IFT88: variants seen among roughly 807,000 people sequenced by gnomAD.
IFT88 encodes the protein intraflagellar transport 88.
In IFT88, 74 loss-of-function variants were observed where a neutral mutation model predicts 119.5. The observed-to-expected ratio is 0.62, with a 90% CI of 0.51 to 0.75. The LOEUF (loss-of-function observed/expected upper bound fraction) is 0.75. Ranked by LOEUF, IFT88 falls within the 30% of genes least tolerant of loss-of-function variation. The probability of loss-of-function intolerance (pLI) is 0.00; values close to 1 mark genes in which losing one functional copy is unlikely to be tolerated. For missense variants in IFT88, 961 were observed against 977.7 expected (o/e 0.98, Z 0.23); for synonymous variants, 279 against 316.7 (o/e 0.88, Z 1.26).
At chr13:20,633,658 A>G (rs1243537995) in intron 16 of IFT88, among the ~76,000 whole-genome samples, 1 of 152,226 alleles carries the variant, frequency 6.6e-6, no homozygotes, top group South Asian at 2.1e-4. Flanking sequence ...TAAAGAAGCA[A>G]AGAGAATTGT....
In IFT88 at chr13:20,653,861, T is replaced by C; in HGVS notation, c.1950-15T>C. ...TTTTTTATCTCTAATTTCATCTCAT[T>C]TATTTATTTTATAGGCCTACACAAG... On this transcript the variant is annotated splice_polypyrimidine_tract_variant and intron_variant, in intron 20 of 25. Transcript: ENST00000351808. 6.7e-7 allele frequency: 1 copy of C among 1,484,866 alleles called. No individual in the cohort carries two copies. The allele number at this position is 1,484,866 out of a possible 1,614,324, so 92.0% of individuals were successfully genotyped here. A position where few individuals can be genotyped will look rare whatever the true frequency, so the allele number is the denominator to read the frequency against.
At chr13:20,642,626 T>TA (rs2050121915) in intron 18 of IFT88, 1 of 152,168 alleles carries the variant, frequency 6.6e-6, no homozygotes, top group South Asian at 2.1e-4. Context: ...TTAGAGCAGA[T>TA]AGCATCATAG....
At chr13:20,650,671 T>G (rs2051498090) in intron 20 of IFT88, among the ~76,000 whole-genome samples, 1 of 152,102 alleles carries the variant, frequency 6.6e-6, no homozygotes, top group Non-Finnish European at 1.5e-5. Context: ...GAAGTAAAAA[T>G]TAACCCTGTT....
intron 24 of IFT88, among the ~76,000 whole-genome samples, chr13:20,685,031 C>T (rs1338881763): frequency 1.3e-5 from 2 of 152,232 alleles, no homozygotes; most frequent in Non-Finnish European, 2.9e-5. Flanking sequence ...CTGAGAGCCA[C>T]AAACGGAATC....
At chr13:20,634,880 T>C (rs2048780405) in intron 16 of IFT88, among the ~76,000 whole-genome samples, 1 of 151,872 alleles carries the variant, frequency 6.6e-6, no homozygotes, top group African/African-American at 2.4e-5. Context: ...ACATGTGCCA[T>C]GTTGGTGTGC....
intron 13 of IFT88, among the ~76,000 whole-genome samples, chr13:20,606,113 A>G (rs2043404534): frequency 1.3e-5 from 2 of 152,252 alleles, no homozygotes; most frequent in African/African-American, 2.4e-5. Context: ...TAAAAGTACA[A>G]CTGGGGTGGT....
intron 7 of IFT88, 92 bp downstream of exon 7, chr13:20,592,496 A>C: frequency 4.7e-6 from 4 of 855,942 alleles, no homozygotes; most frequent in Non-Finnish European, 7.3e-6. Context: ...TTGAGATGAT[A>C]TCTCACTCTG....
At chr13:20,567,370 C>T (rs768463026) in intron 1 of IFT88, 114 bp downstream of exon 1, 16 of 152,394 alleles carry the variant, frequency 1.0e-4, no homozygotes, top group African/African-American at 3.4e-4. Flanking sequence ...CTGCCCGCCC[C>T]TGTCGGCCCC....
At chr13:20,646,442 A>G (rs2050768093) in intron 20 of IFT88, among the ~76,000 whole-genome samples, 1 of 150,706 alleles carries the variant, frequency 6.6e-6, no homozygotes, top group Admixed American at 6.7e-5. Flanking sequence ...AGCTGGGATT[A>G]CAGGCACATG....
Position 20,601,906 on chromosome 13 carries a change from T to C in IFT88, c.1014T>C (p.Ile338=). 6.3e-7 allele frequency: 1 copy of C among 1,595,324 alleles called. No homozygotes were observed. The highest frequency in any genetic ancestry group is 8.6e-7 in the Non-Finnish European group (1 of 1,163,010). The change falls in exon 12 of 26, where the codon ATT becomes ATC. Residue 338 remains isoleucine (I), a synonymous_variant. Transcript: ENST00000351808. ...FQKLITVPLE[I]DEDKYISPSD... ...AATTGATTACTGTTCCATTAGAAAT[T>C]GATGAAGATAAATATATTTCACCAA...
intron 1 of IFT88, among the ~76,000 whole-genome samples, chr13:20,572,968 A>G (rs972515564): frequency 1.3e-5 from 2 of 152,034 alleles, no homozygotes; most frequent in Non-Finnish European, 2.9e-5. Flanking sequence ...AGTATGCCAC[A>G]TTTTGCTTGT....
chr13:20,597,468 G>GGC (rs2041844087), intron 9 of IFT88, among the ~76,000 whole-genome samples: 1 of 152,054 alleles, frequency 6.6e-6, no homozygotes, highest in Admixed American at 6.6e-5. Flanking sequence ...TATGTAGCCG[G>GGC]GTGCCGTGGC....
chr13:20,577,069 A>G (rs769485029), intron 2 of IFT88, among the ~76,000 whole-genome samples: 7 of 152,080 alleles, frequency 4.6e-5, no homozygotes, highest in African/African-American at 1.7e-4. Flanking sequence ...TTCATTGTAG[A>G]TATTTTCACT....
chr13:20,633,459 C>G (rs1389633569), intron 16 of IFT88, among the ~76,000 whole-genome samples: 2 of 152,164 alleles, frequency 1.3e-5, no homozygotes, highest in Admixed American at 1.3e-4. Context: ...AGAGGGCTGC[C>G]TGCTGAGGCT....
At chr13:20,686,846 C>T (rs1416949346) in intron 24 of IFT88, among the ~76,000 whole-genome samples, 1 of 151,792 alleles carries the variant, frequency 6.6e-6, no homozygotes, top group Non-Finnish European at 1.5e-5. Flanking sequence ...GAAATTTTCA[C>T]CAAAGTTTAT....
In IFT88 at chr13:20,690,752, G is replaced by A; in HGVS notation, c.2290G>A (p.Ala764Thr). The A allele has an allele frequency of 6.2e-7, 1 of 1,613,878 alleles. No homozygotes were observed. The highest frequency in any genetic ancestry group is 1.6e-4 in the Middle Eastern group (1 of 6,062). ...SASSKGERLS[A>T]RLRALPGTNE... ...CAGTAGTAAAGGTGAACGACTAAGT[G>A]CCAGACTCAGAGCTTTACCTGGGAC... The change falls in exon 25 of 26, where the codon GCC becomes ACC. Residue 764 changes from alanine to threonine, a missense_variant. Ala to Thr is a moderately conservative substitution (Grantham distance 58). Transcript: ENST00000351808.
intron 13 of IFT88, among the ~76,000 whole-genome samples, chr13:20,614,737 T>C (rs1308316387): frequency 6.6e-6 from 1 of 152,118 alleles, no homozygotes; most frequent in Non-Finnish European, 1.5e-5. Context: ...TGCATGTGAA[T>C]CTACAGTTGT....
chr13:20,579,208 C>T (rs1197271903), intron 2 of IFT88, among the ~76,000 whole-genome samples: 1 of 152,186 alleles, frequency 6.6e-6, no homozygotes, highest in Non-Finnish European at 1.5e-5. Flanking sequence ...GTGAAACCAG[C>T]CAGGCTTGTA....
chr13:20,677,450 T>C (rs2056811702), intron 24 of IFT88, among the ~76,000 whole-genome samples: 4 of 152,194 alleles, frequency 2.6e-5, no homozygotes, highest in Admixed American at 2.6e-4. Flanking sequence ...TTTCTTGGAC[T>C]GTTGGTTGGG....
Sources: gnomAD v4.1 joint callset for allele counts (sites outside exome capture counted in the v4.1 genomes callset) on GRCh38, gnomAD v4.1.1 for gene constraint, MANE v1.5 for transcripts, NCBI Gene and HGNC (gene_info 2026-07-23, HGNC 2026-07-21) for gene names.